Variants in C7 observed in about 807,000 individuals in gnomAD.
C7 encodes the protein complement C7.
A neutral mutation model predicts 104.8 loss-of-function variants in C7; 83 were observed. The observed-to-expected ratio is 0.79, with a 90% confidence interval of 0.66 to 0.95. The LOEUF is 0.95. Ranked by LOEUF, C7 falls within the 40% of genes least tolerant of loss-of-function variation. The pLI, the probability that C7 is intolerant of heterozygous loss-of-function variation, is 0.00. For synonymous variants in C7, 415 were observed against 360.6 expected (o/e 1.15, Z -1.71); for missense variants, 1,070 against 1,011.2 (o/e 1.06, Z -0.79).
Position 40,964,818 on chromosome 5 carries a change from A to G in C7, c.1827A>G (p.Pro609=). 2 of 1,613,838 alleles carry G rather than the reference A, an allele frequency of 1.2e-6. No individual in the cohort carries two copies. Among genetic ancestry groups the G allele is most frequent in the South Asian group, 1.1e-5 (1 of 91,066 alleles). The change falls in exon 14 of 18, where the codon CCA becomes CCG. Residue 609 remains proline (P), a synonymous_variant. Coordinates refer to ENST00000313164, the MANE Select transcript of C7 (RefSeq NM_000587.4). ...AAGGATACTCTCTTATTGGAAACCC[A>G]GTGGCCAGATGTGGAGAAGATTTAC... ...CNEGYSLIGN[P]VARCGEDLRW...
intron 14 of C7, among the ~76,000 whole-genome samples, chr5:40,969,449 G>A (rs1448049458): frequency 6.6e-6 from 1 of 152,078 alleles, no homozygotes; most frequent in Non-Finnish European, 1.5e-5. Flanking sequence ...CTTTTTGAAT[G>A]TTAAATTAGT....
chr5:40,924,914 C>T (rs993581634), intron 1 of C7, among the ~76,000 whole-genome samples: 1 of 152,214 alleles, frequency 6.6e-6, no homozygotes, highest in African/African-American at 2.4e-5. Flanking sequence ...ACCTCCTGAC[C>T]TGTGATGGGA....
At position 40,984,642 on chromosome 5, in the gene C7, G is replaced by A. The variant is rs972229806; in HGVS notation, c.*3069G>A. On this transcript the variant is annotated 3_prime_UTR_variant, in exon 18 of 18. Coordinates refer to ENST00000313164, the MANE Select transcript of C7 (RefSeq NM_000587.4). ...GTATTAATCAATATTTTTTGAACCCGTCCTGTCTCAGTCTGTTTTATGCTG... is the reference window on the plus strand; with the variant it reads ...GTATTAATCAATATTTTTTGAACCCATCCTGTCTCAGTCTGTTTTATGCTG... Among the ~76,000 whole-genome samples, 6 of 152,144 alleles carry A rather than the reference G, an allele frequency of 3.9e-5. No homozygotes were observed. Among genetic ancestry groups the A allele is most frequent in the East Asian group, 3.9e-4 (2 of 5,176 alleles).
chr5:40,932,320 T>C (rs1308729065), intron 3 of C7, among the ~76,000 whole-genome samples: 2 of 152,156 alleles, frequency 1.3e-5, no homozygotes, highest in Admixed American at 1.3e-4. Flanking sequence ...ATTTTTGTTA[T>C]AAAGAAAACT....
At chr5:40,950,141 T>C in intron 9 of C7, 127 bp downstream of exon 9, 1 of 618,796 alleles carries the variant, frequency 1.6e-6, no homozygotes, top group South Asian at 2.0e-5. Flanking sequence ...CAGATTATTT[T>C]GTCACCCAAG....
At chr5:40,953,817 C>T (rs986606422) in intron 9 of C7, among the ~76,000 whole-genome samples, 1 of 40,966 alleles carries the variant, frequency 2.4e-5, no homozygotes, top group South Asian at 8.3e-4. Context: ...GATCATTACA[C>T]ATTCTATGCA....
intron 15 of C7, among the ~76,000 whole-genome samples, chr5:40,973,474 G>A (rs1048976565): frequency 6.6e-6 from 1 of 152,190 alleles, no homozygotes; most frequent in Non-Finnish European, 1.5e-5. Context: ...TGAATTAGAT[G>A]TTTCTAACTA....
intron 1 of C7, among the ~76,000 whole-genome samples, chr5:40,912,775 G>GT (rs965169538): frequency 1.2e-4 from 18 of 151,778 alleles, no homozygotes; most frequent in Admixed American, 6.6e-4. Context: ...AAATTTTATG[G>GT]TTTTTTTTGG....
intron 6 of C7, among the ~76,000 whole-genome samples, chr5:40,937,957 G>A (rs1381605241): frequency 6.6e-6 from 1 of 152,060 alleles, no homozygotes; most frequent in Non-Finnish European, 1.5e-5. Context: ...AGACCTTATT[G>A]TCTGTGCTGG....
chr5:40,943,885 A>G (rs1739994746), intron 6 of C7, among the ~76,000 whole-genome samples: 1 of 152,132 alleles, frequency 6.6e-6, no homozygotes, highest in Non-Finnish European at 1.5e-5. Context: ...GGGGGTAGTG[A>G]TAACAGTCAT....
chr5:40,933,711 A>G (rs1164867708), intron 3 of C7, among the ~76,000 whole-genome samples: 1 of 152,176 alleles, frequency 6.6e-6, no homozygotes, highest in East Asian at 1.9e-4. Context: ...GAAGGCTTAC[A>G]GTTTAGCTGA....
At position 40,959,612 on chromosome 5, in the gene C7, G is replaced by A. The variant is rs780873509; in HGVS notation, c.1653G>A (p.Glu551=). Residue 551 remains glutamate, a synonymous_variant, in exon 12 of 18, where the codon GAG becomes GAA. Transcript: ENST00000313164. ...ESTQCEDEEL[E]HLRLLEPHCF... ...CACAATGCGAAGATGAGGAGCTGGAGCACTTGAGGTAATGGAGACCCGACC... is the reference window on the plus strand; with the variant it reads ...CACAATGCGAAGATGAGGAGCTGGAACACTTGAGGTAATGGAGACCCGACC... 1.3e-6 allele frequency: 2 copies of A among 1,593,658 alleles called. No individual in the cohort carries two copies. The highest frequency in any genetic ancestry group is 1.7e-6 in the Non-Finnish European group (2 of 1,170,130).
chr5:40,909,997 G>A (rs1036262086), intron 1 of C7, among the ~76,000 whole-genome samples: 4 of 91,748 alleles, frequency 4.4e-5, no homozygotes, highest in Admixed American at 1.2e-4. Context: ...TTTTTTGCTT[G>A]TTTGGATTAG....
chr5:40,915,195 T>G (rs1159205722), intron 1 of C7, among the ~76,000 whole-genome samples: 2 of 152,186 alleles, frequency 1.3e-5, no homozygotes, highest in African/African-American at 2.4e-5. Context: ...GTCAAACGTC[T>G]AACACATTGA....
At chr5:40,939,119 A>T (rs1739877522) in intron 6 of C7, among the ~76,000 whole-genome samples, 1 of 152,098 alleles carries the variant, frequency 6.6e-6, no homozygotes, top group Non-Finnish European at 1.5e-5. Flanking sequence ...TGAAATGTTC[A>T]GACAAAAGGG....
chr5:40,980,550 A>T (rs946612665), intron 17 of C7, among the ~76,000 whole-genome samples: 1 of 152,268 alleles, frequency 6.6e-6, no homozygotes, highest in Non-Finnish European at 1.5e-5. Flanking sequence ...TAGTACTTAC[A>T]GTGATCTTGA....
intron 1 of C7, among the ~76,000 whole-genome samples, chr5:40,926,611 A>G (rs1034365250): frequency 6.6e-6 from 1 of 152,214 alleles, no homozygotes; most frequent in Non-Finnish European, 1.5e-5. Flanking sequence ...ATTTCCATAA[A>G]CTAACAATGA....
At chr5:40,967,069 ATT>A (rs72111743) in intron 14 of C7, among the ~76,000 whole-genome samples, 1 of 127,810 alleles carries the variant, frequency 7.8e-6, no homozygotes, top group East Asian at 2.5e-4. Flanking sequence ...TTTTCAAAGG[ATT>A]TTTTTTTTTT....
At chr5:40,945,175 A>G (rs1225103056) in intron 6 of C7, 23 bp from the exon 7 acceptor site, 2 of 1,327,310 alleles carry the variant, frequency 1.5e-6, no homozygotes, top group Admixed American at 5.3e-5. Context: ...TAGTCATAGC[A>G]AAATTTTTCA....
Sources: gnomAD v4.1 joint callset for allele counts (sites outside exome capture counted in the v4.1 genomes callset) on GRCh38, gnomAD v4.1.1 for gene constraint, MANE v1.5 for transcripts, NCBI Gene and HGNC (gene_info 2026-07-23, HGNC 2026-07-21) for gene names.